Variants in DZIP1 observed in about 807,000 individuals in gnomAD.
DZIP1 encodes cilium assembly protein DZIP1.
In DZIP1, 97 loss-of-function variants were observed where a neutral mutation model predicts 107.6. The ratio of observed to expected loss-of-function variants is 0.90; its 90% CI spans 0.77 to 1.07. The LOEUF (loss-of-function observed/expected upper bound fraction) is 1.07, where lower values mean the gene tolerates loss of function less well. Ranked by LOEUF, DZIP1 falls within the 50% of genes least tolerant of loss-of-function variation. The pLI, the probability that DZIP1 is intolerant of heterozygous loss-of-function variation, is 0.00. For missense variants in DZIP1, 1,035 were observed against 1,063.6 expected, an observed-to-expected ratio of 0.97 and a Z score of 0.37; for synonymous variants, 390 against 386.4, an observed-to-expected ratio of 1.01 and a Z score of -0.11.
intron 14 of DZIP1, among the ~76,000 whole-genome samples, chr13:95,601,512 A>G (rs1180083510): frequency 1.3e-5 from 2 of 152,138 alleles, no homozygotes; most frequent in Non-Finnish European, 2.9e-5. Flanking sequence ...TTTTGCCCCT[A>G]GCTGACTTTG....
Position 95,582,219 on chromosome 13 carries a change from T to G in DZIP1, c.*15A>C. On this transcript the variant is annotated 3_prime_UTR_variant, in exon 23 of 23. Coordinates refer to ENST00000376829, the MANE Select transcript of DZIP1 (RefSeq NM_198968.4). The stretch of plus-strand genomic sequence containing the variant: ...AATACTGCTGGCTTCTGGAATAATC[T>G]TCTGACATGTGGAATTAGACATCTG... The G allele has an allele frequency of 6.2e-7, 1 of 1,612,616 alleles. No individual in the cohort carries two copies. Among genetic ancestry groups the G allele is most frequent in the Non-Finnish European group, 8.5e-7 (1 of 1,178,638 alleles).
At chr13:95,614,404 AG>A (rs1874786097) in intron 10 of DZIP1, among the ~76,000 whole-genome samples, 1 of 152,178 alleles carries the variant, frequency 6.6e-6, no homozygotes, top group Non-Finnish European at 1.5e-5. Context: ...TAGAAGGAAA[AG>A]CCAGTATAAA....
Position 95,593,705 on chromosome 13 carries a change from A to G in DZIP1, c.1680+239T>C, listed in dbSNP as rs148562858. Among the ~76,000 whole-genome samples, 739 of 152,346 alleles carry G rather than the reference A, an allele frequency of 4.9e-3. 4 individuals carry two copies. Among genetic ancestry groups the G allele is most frequent in the Non-Finnish European group, 8.1e-3 (554 of 68,026 alleles). On this transcript the variant is annotated intron_variant, in intron 16 of 22. Transcript: ENST00000376829. ...TGTAAACTGTCAAGATACTAATGTC[A>G]TTTATTTCAGAGATTTGTTTCTATG...
rs764692387 is a variant in DZIP1 at position 95,578,937 on chromosome 13, C to T, written c.*3297G>A. 6.6e-5 allele frequency: 10 copies of T among 152,142 alleles called. No homozygotes were observed. Among genetic ancestry groups the T allele is most frequent in the East Asian group, 1.9e-4 (1 of 5,196 alleles). The allele number at this position is 152,142 out of a possible 1,614,324, so 9.4% of individuals were successfully genotyped here. On this transcript the variant is annotated 3_prime_UTR_variant, in exon 23 of 23. Transcript: ENST00000376829. ...TTAAGGGGCTGAGGCGTCCCTGGCA[C>T]GGAATGCAGAGCCCTGAGCTAGGGC... is the stretch of plus-strand genomic sequence containing the variant.
intron 5 of DZIP1, among the ~76,000 whole-genome samples, chr13:95,636,809 T>A (rs1877877998): frequency 6.6e-6 from 1 of 151,670 alleles, no homozygotes; most frequent in South Asian, 2.1e-4. Flanking sequence ...AATACAAGAG[T>A]GTTTCTCTGA....
chr13:95,605,171 A>T lies in DZIP1; in HGVS notation c.1477+832T>A, dbSNP rs1566382050. ...TACAGATCACAATATCTATGAAGACAAAAAGTGCCACCATACTGACCAGTT... is the reference window on the plus strand; with the variant it reads ...TACAGATCACAATATCTATGAAGACTAAAAGTGCCACCATACTGACCAGTT... On this transcript the variant is annotated intron_variant, in intron 14 of 22. Coordinates refer to ENST00000376829, the MANE Select transcript of DZIP1 (RefSeq NM_198968.4). Among the ~76,000 whole-genome samples the T allele has an allele frequency of 3.9e-5, 6 of 152,344 alleles. No homozygotes were observed. In the South Asian group the frequency reaches 1.2e-3, roughly 32 times the overall value.
chr13:95,619,825 G>A, intron 10 of DZIP1, 60 bp downstream of exon 10: 1 of 1,522,336 alleles, frequency 6.6e-7, no homozygotes, highest in Non-Finnish European at 9.0e-7. Context: ...TTATTAAAAA[G>A]GAAAGCAAAT....
chr13:95,611,729 A>G (rs1175869527), intron 11 of DZIP1, among the ~76,000 whole-genome samples: 1 of 152,208 alleles, frequency 6.6e-6, no homozygotes, highest in African/African-American at 2.4e-5. Context: ...AAATAAAATA[A>G]CAAAAAATCT....
intron 1 of DZIP1, among the ~76,000 whole-genome samples, chr13:95,644,070 C>T (rs961454181): frequency 6.6e-6 from 1 of 152,204 alleles, no homozygotes; most frequent in South Asian, 2.1e-4. Flanking sequence ...GGCATGCTTT[C>T]CCGTTCCCTC....
chr13:95,602,087 G>A (rs1421363604), intron 14 of DZIP1, among the ~76,000 whole-genome samples: 1 of 152,054 alleles, frequency 6.6e-6, no homozygotes. Flanking sequence ...AACACTCAGC[G>A]GCTACAAACT....
chr13:95,636,712 G>T (rs541568277), intron 5 of DZIP1, among the ~76,000 whole-genome samples: 1 of 152,064 alleles, frequency 6.6e-6, no homozygotes, highest in African/African-American at 2.4e-5. Context: ...AGAGTACGGA[G>T]AACTAATGGA....
At chr13:95,628,840 CA>C (rs1876861876) in intron 7 of DZIP1, among the ~76,000 whole-genome samples, 1 of 152,076 alleles carries the variant, frequency 6.6e-6, no homozygotes, top group African/African-American at 2.4e-5. Context: ...CAGGCAAAAT[CA>C]CAGAGAGGGA....
chr13:95,622,857 C>A (rs1279212557), intron 8 of DZIP1, among the ~76,000 whole-genome samples: 5 of 151,932 alleles, frequency 3.3e-5, no homozygotes, highest in Non-Finnish European at 7.4e-5. Flanking sequence ...ATCCTTCCAC[C>A]TCAGCCTCCT....
chr13:95,615,569 G>C (rs1874948774), intron 10 of DZIP1, among the ~76,000 whole-genome samples: 1 of 152,190 alleles, frequency 6.6e-6, no homozygotes, highest in South Asian at 2.1e-4. Context: ...CTGTACTTTG[G>C]AAAAGAGTCT....
chr13:95,604,438 C>T (rs58692855), intron 14 of DZIP1, among the ~76,000 whole-genome samples: 18 of 152,322 alleles, frequency 1.2e-4, no homozygotes, highest in Middle Eastern at 6.8e-3. Context: ...CACAAATAAG[C>T]TTTGATCCCC....
chr13:95,615,169 CCTT>C (rs2139170335), intron 10 of DZIP1, among the ~76,000 whole-genome samples: 1 of 152,292 alleles, frequency 6.6e-6, no homozygotes, highest in South Asian at 2.1e-4. Context: ...AAAGGCCTCA[CCTT>C]CTTCCTCCAT....
In DZIP1 at chr13:95,578,548, T is replaced by C. The variant is rs891817702; in HGVS notation, c.*3686A>G. On this transcript the variant is annotated 3_prime_UTR_variant, in exon 23 of 23. Transcript: ENST00000376829. ...ATTTATTTAAAAAGGTAAATCTTTT[T>C]GTTGAAGCAGCAAGTTATCTGGTAG... The C allele has an allele frequency of 6.6e-6, 1 of 152,282 alleles. No individual in the cohort carries two copies. Among genetic ancestry groups the C allele is most frequent in the Non-Finnish European group, 1.5e-5 (1 of 68,092 alleles). 9.4% of individuals were successfully genotyped at this position (152,282 alleles called of 1,614,324 possible).
At chr13:95,610,916 T>G (rs571734185) in intron 12 of DZIP1, among the ~76,000 whole-genome samples, 1 of 152,340 alleles carries the variant, frequency 6.6e-6, no homozygotes, top group East Asian at 1.9e-4. Flanking sequence ...CCTCACCAGA[T>G]GTCAGCACCA....
intron 16 of DZIP1, among the ~76,000 whole-genome samples, chr13:95,592,175 C>A (rs2044327973): frequency 6.6e-6 from 1 of 152,064 alleles, no homozygotes; most frequent in African/African-American, 2.4e-5. Context: ...ATCACTGTTT[C>A]AAAACCTAAC....
Sources: allele counts gnomAD v4.1 joint callset (sites outside exome capture counted in the v4.1 genomes callset), GRCh38; gene constraint gnomAD v4.1.1; transcripts MANE v1.5; gene names NCBI Gene and HGNC (gene_info 2026-07-23, HGNC 2026-07-21).